XIRP2: variants seen among roughly 807,000 people sequenced by gnomAD.
XIRP2 encodes xin actin binding repeat containing 2.
Under a neutral mutation model 277.0 loss-of-function variants are expected in XIRP2, and 236 were observed. That is an observed-to-expected ratio of 0.85 (90% CI 0.77 to 0.95). The LOEUF is 0.95. Among genes scored for constraint, XIRP2 ranks in the 40% least tolerant of loss-of-function variants. The probability of loss-of-function intolerance (pLI) is 0.00; values close to 1 mark genes in which losing one functional copy is unlikely to be tolerated. For missense variants in XIRP2, 4,640 were observed against 4,157.5 expected (o/e 1.12, Z -3.19); for synonymous variants, 1,490 against 1,416.5 (o/e 1.05, Z -1.17).
At chr2:167,224,924 G>T (rs1460367972) in intron 5 of XIRP2, among the ~76,000 whole-genome samples, 1 of 152,178 alleles carries the variant, frequency 6.6e-6, no homozygotes, top group East Asian at 1.9e-4. Flanking sequence ...AGCTTGAAAT[G>T]AGCATACCTG....
Position 167,249,789 on chromosome 2 carries a change from G to A in XIRP2, c.8397G>A (p.Met2799Ile), listed in dbSNP as rs200145096. 6.5e-4 allele frequency: 1,049 copies of A among 1,613,338 alleles called. 16 individuals carry two copies. The South Asian group carries it at 0.011, about 17-fold the overall frequency. Residue 2799 changes from methionine (M) to isoleucine (I), a missense_variant, in exon 9 of 11, where the codon ATG becomes ATA. Transcript: ENST00000409195. ...AGAACCAGGAAGATAAGCTCAAGAT[G>A]GTTCCCAGGAAGCAAAGAGAATTTA... is the stretch of plus-strand genomic sequence containing the variant. The part of the protein sequence containing the change: ...IQKNQEDKLK[M>I]VPRKQREFSG...
At chr2:167,090,787 A>T (rs1326336361) in intron 2 of XIRP2, among the ~76,000 whole-genome samples, 4 of 152,044 alleles carry the variant, frequency 2.6e-5, no homozygotes, top group African/African-American at 9.7e-5. Flanking sequence ...TCCTGCAAGA[A>T]CCAATGTGAT....
At chr2:166,934,261 C>T (rs187117558) in intron 2 of XIRP2, among the ~76,000 whole-genome samples, 192 of 147,892 alleles carry the variant, frequency 1.3e-3, no homozygotes, top group African/African-American at 4.7e-3. Context: ...AAGCAAGCTA[C>T]CATAATTATA....
At chr2:167,087,396 G>T (rs4667942) in intron 2 of XIRP2, among the ~76,000 whole-genome samples, 105,162 of 151,492 alleles carry the variant, frequency 0.69, 39,239 homozygotes, top group Non-Finnish European at 0.83. Context: ...CTGTCTTTTT[G>T]TTTGTCTGTG....
rs375426343 is a variant in XIRP2 at position 167,248,261 on chromosome 2, C to T, written c.6869C>T (p.Pro2290Leu). The T allele has an allele frequency of 1.6e-5, 26 of 1,613,526 alleles. No individual in the cohort carries two copies. Among genetic ancestry groups the T allele is most frequent in the Non-Finnish European group, 2.0e-5 (24 of 1,179,816 alleles). Residue 2290 changes from proline to leucine, a missense_variant, in exon 9 of 11, where the codon CCA (proline) becomes CTA (leucine). Physicochemically the swap from Pro to Leu is moderately conservative, Grantham distance 98. Coordinates refer to ENST00000409195, the MANE Select transcript of XIRP2 (RefSeq NM_152381.6). ...NNVKESECPL[P>L]PPSPPPPPPS... Reference sequence around the variant, plus strand: ...GTAAAAGAAAGTGAGTGCCCCCTTCCACCTCCATCTCCACCTCCTCCACCA... The same window carrying T: ...GTAAAAGAAAGTGAGTGCCCCCTTCTACCTCCATCTCCACCTCCTCCACCA...
chr2:167,243,711 G>C lies in XIRP2; in HGVS notation c.2319G>C (p.Met773Ile). ...EKGDVRTARW[M>I]FETQPLDTIN... ...GAGATGTAAGAACAGCACGGTGGATGTTTGAAACACAGCCGTTGGACACAA... is the reference window on the plus strand; with the variant it reads ...GAGATGTAAGAACAGCACGGTGGATCTTTGAAACACAGCCGTTGGACACAA... Residue 773 changes from methionine to isoleucine, a missense_variant, in exon 9 of 11, where the codon ATG becomes ATC. Met to Ile is a conservative substitution (Grantham distance 10). Transcript: ENST00000409195. The C allele has an allele frequency of 6.2e-7, 1 of 1,614,084 alleles. No homozygotes were observed. The highest frequency in any genetic ancestry group is 8.5e-7 in the Non-Finnish European group (1 of 1,179,972).
At chr2:166,938,196 A>G (rs1685574692) in intron 2 of XIRP2, among the ~76,000 whole-genome samples, 1 of 152,052 alleles carries the variant, frequency 6.6e-6, no homozygotes. Flanking sequence ...TAGGGTGTCG[A>G]TTTTAGATCT....
intron 3 of XIRP2, among the ~76,000 whole-genome samples, chr2:167,163,619 A>C (rs951667254): frequency 5.3e-5 from 8 of 152,112 alleles, no homozygotes; most frequent in Admixed American, 2.6e-4. Flanking sequence ...TTGCCCATTT[A>C]TTTTTATTAG....
intron 2 of XIRP2, among the ~76,000 whole-genome samples, chr2:167,037,607 A>G (rs1688546265): frequency 6.7e-6 from 1 of 149,514 alleles, no homozygotes; most frequent in African/African-American, 2.5e-5. Context: ...TGCTGATTTA[A>G]ATCTAATTGA....
intron 3 of XIRP2, among the ~76,000 whole-genome samples, chr2:167,208,516 G>A (rs1312983391): frequency 6.6e-6 from 1 of 152,130 alleles, no homozygotes; most frequent in East Asian, 1.9e-4. Flanking sequence ...CACCGTGTTA[G>A]CCAGGATGGT....
At chr2:167,140,373 G>A (rs1011410710) in intron 3 of XIRP2, among the ~76,000 whole-genome samples, 10 of 152,150 alleles carry the variant, frequency 6.6e-5, no homozygotes, top group Admixed American at 5.9e-4. Flanking sequence ...ATGAAATGGT[G>A]CAACAGGCTA....
At chr2:167,056,818 C>CCATATCTTCCCTCCATATT (rs1689048628) in intron 2 of XIRP2, among the ~76,000 whole-genome samples, 1 of 152,060 alleles carries the variant, frequency 6.6e-6, no homozygotes, top group African/African-American at 2.4e-5. Flanking sequence ...CCCTCCATAT[C>CCATATCTTCCCTCCATATT]CATATCTTCC....
chr2:166,968,734 T>C (rs1041040011), intron 2 of XIRP2, among the ~76,000 whole-genome samples: 69 of 152,022 alleles, frequency 4.5e-4, no homozygotes, highest in African/African-American at 1.6e-3. Context: ...CCTTTAAAGG[T>C]AAAAAATTTG....
chr2:167,106,653 A>T (rs1038195473), intron 2 of XIRP2, among the ~76,000 whole-genome samples: 3 of 151,740 alleles, frequency 2.0e-5, no homozygotes, highest in African/African-American at 4.8e-5. Context: ...TTACAAAAAA[A>T]GTTTTAGCTA....
intron 2 of XIRP2, among the ~76,000 whole-genome samples, chr2:167,096,362 G>T (rs1287301690): frequency 6.6e-6 from 1 of 152,042 alleles, no homozygotes; most frequent in Non-Finnish European, 1.5e-5. Flanking sequence ...TTCTCTGATG[G>T]TAGTTTGTAT....
intron 3 of XIRP2, among the ~76,000 whole-genome samples, chr2:167,160,845 C>T (rs547330147): frequency 1.3e-5 from 2 of 152,300 alleles, no homozygotes; most frequent in South Asian, 2.1e-4. Context: ...CGAAAGTCCA[C>T]AATCCAAAGT....
chr2:166,915,174 G>A (rs187284631), intron 2 of XIRP2, among the ~76,000 whole-genome samples: 187 of 151,090 alleles, frequency 1.2e-3, no homozygotes, highest in African/African-American at 3.8e-3. Context: ...GGTGGTGGGC[G>A]CCTGTGGTCC....
At chr2:167,058,257 T>C (rs1054859594) in intron 2 of XIRP2, among the ~76,000 whole-genome samples, 1 of 151,832 alleles carries the variant, frequency 6.6e-6, no homozygotes, top group African/African-American at 2.4e-5. Context: ...TTTGTTTGTT[T>C]ATTGTTGGTT....
At chr2:167,252,540 TC>T (rs1367557894) in intron 9 of XIRP2, among the ~76,000 whole-genome samples, 1 of 152,106 alleles carries the variant, frequency 6.6e-6, no homozygotes, top group Admixed American at 6.6e-5. Flanking sequence ...CTGATTTTTT[TC>T]GCTTTTCTAA....
Sources: gnomAD v4.1 joint callset for allele counts (sites outside exome capture counted in the v4.1 genomes callset) on GRCh38, gnomAD v4.1.1 for gene constraint, MANE v1.5 for transcripts, NCBI Gene and HGNC (gene_info 2026-07-23, HGNC 2026-07-21) for gene names.